The following TRABD2B variants were observed in gnomAD, a reference collection of about 807,000 sequenced individuals.
The protein encoded by TRABD2B is TraB domain containing 2B.
TRABD2B carries 14 observed loss-of-function variants against 40.1 expected under a neutral mutation model. The ratio of observed to expected loss-of-function variants is 0.35; its 90% CI spans 0.23 to 0.55. TRABD2B has a LOEUF of 0.55. Among genes scored for constraint, TRABD2B ranks in the 20% least tolerant of loss-of-function variants. The pLI is 0.90. For missense variants in TRABD2B, 541 were observed against 648.6 expected, an observed-to-expected ratio of 0.83 and a Z score of 1.80; for synonymous variants, 263 against 277.0, an observed-to-expected ratio of 0.95 and a Z score of 0.50.
intron 2 of TRABD2B, among the ~76,000 whole-genome samples, chr1:47,986,165 T>C (rs1432383533): frequency 2.0e-5 from 3 of 152,012 alleles, no homozygotes; most frequent in African/African-American, 7.3e-5. Context: ...CAAGTAACAG[T>C]TGAAAAGGAA....
intron 2 of TRABD2B, among the ~76,000 whole-genome samples, chr1:47,895,871 C>G (rs948052557): frequency 3.9e-5 from 6 of 152,240 alleles, no homozygotes; most frequent in Non-Finnish European, 7.3e-5. Context: ...CCTGCCTCCT[C>G]GTACTAGTGT....
chr1:47,955,751 G>A (rs1645411040), intron 2 of TRABD2B, among the ~76,000 whole-genome samples: 2 of 152,072 alleles, frequency 1.3e-5, no homozygotes, highest in Admixed American at 1.3e-4. Context: ...ATGTCTCCAG[G>A]ACCCCCTCCC....
intron 2 of TRABD2B, among the ~76,000 whole-genome samples, chr1:47,987,183 G>A (rs1645931420): frequency 6.6e-6 from 1 of 152,090 alleles, no homozygotes; most frequent in Non-Finnish European, 1.5e-5. Context: ...GCTTGGCCTG[G>A]GATTGGAGAG....
chr1:47,970,907 G>GC (rs1645673315), intron 2 of TRABD2B, among the ~76,000 whole-genome samples: 1 of 152,200 alleles, frequency 6.6e-6, no homozygotes, highest in South Asian at 2.1e-4. Context: ...ACTGGCCAAA[G>GC]CAAGTGACAA....
intron 6 of TRABD2B, among the ~76,000 whole-genome samples, chr1:47,771,111 G>A (rs905452547): frequency 2.0e-5 from 3 of 152,158 alleles, no homozygotes; most frequent in African/African-American, 7.2e-5. Flanking sequence ...CTAATCTGAT[G>A]GGGTCCTGTC....
At chr1:47,955,788 G>A (rs1158040516) in intron 2 of TRABD2B, among the ~76,000 whole-genome samples, 1 of 152,146 alleles carries the variant, frequency 6.6e-6, no homozygotes, top group Non-Finnish European at 1.5e-5. Flanking sequence ...ACTGCTGACT[G>A]TGCTCATGTG....
At chr1:47,965,236 T>TGGG (rs1645585082) in intron 2 of TRABD2B, among the ~76,000 whole-genome samples, 6 of 3,258 alleles carry the variant, frequency 1.8e-3, no homozygotes, top group South Asian at 0.015. Flanking sequence ...GGGGGGTGGA[T>TGGG]GGGGAGGTGG....
intron 2 of TRABD2B, chr1:47,819,853 CGCAGACCAGAGACACTGGG>C (rs528034643): frequency 6.6e-6 from 1 of 152,172 alleles, no homozygotes; most frequent in South Asian, 2.1e-4. Flanking sequence ...CAATATAGGA[CGCAGACCAGAGACACTGGG>C]GTAAATTCTC....
At chr1:47,794,477 T>C (rs1644717924) in intron 4 of TRABD2B, 109 bp downstream of exon 4, 2 of 1,273,054 alleles carry the variant, frequency 1.6e-6, no homozygotes, top group South Asian at 3.3e-5. Flanking sequence ...TGGCTTTTCC[T>C]GCCCCATCCT....
intron 2 of TRABD2B, among the ~76,000 whole-genome samples, chr1:47,879,289 A>C (rs1419279921): frequency 6.6e-6 from 1 of 152,224 alleles, no homozygotes; most frequent in African/African-American, 2.4e-5. Flanking sequence ...CCACATATGC[A>C]ACAGTGATTC....
chr1:47,878,406 A>G (rs1644254756), intron 2 of TRABD2B, among the ~76,000 whole-genome samples: 1 of 152,246 alleles, frequency 6.6e-6, no homozygotes, highest in Non-Finnish European at 1.5e-5. Context: ...AGAAGGGATT[A>G]CACTGTGGTG....
chr1:47,839,308 G>T (rs1479603838), intron 2 of TRABD2B, among the ~76,000 whole-genome samples: 1 of 152,048 alleles, frequency 6.6e-6, no homozygotes, highest in African/African-American at 2.4e-5. Context: ...ATGGCCTTTA[G>T]CTCTGTGCAC....
At chr1:47,976,237 A>C (rs1041015536) in intron 2 of TRABD2B, among the ~76,000 whole-genome samples, 2 of 152,178 alleles carry the variant, frequency 1.3e-5, no homozygotes, top group Non-Finnish European at 2.9e-5. Context: ...TAATCAGTGA[A>C]TTATAATCTA....
At chr1:47,902,494 G>A (rs1450255611) in intron 2 of TRABD2B, among the ~76,000 whole-genome samples, 1 of 152,130 alleles carries the variant, frequency 6.6e-6, no homozygotes, top group African/African-American at 2.4e-5. Context: ...GACTTCCTGT[G>A]GATGGAAATT....
At chr1:47,776,635 G>C (rs2124068171) in intron 5 of TRABD2B, among the ~76,000 whole-genome samples, 1 of 152,278 alleles carries the variant, frequency 6.6e-6, no homozygotes, top group Non-Finnish European at 1.5e-5. Flanking sequence ...AATAGAATTT[G>C]TTTTAGGGAC....
chr1:47,971,014 G>A (rs1557687573), intron 2 of TRABD2B, among the ~76,000 whole-genome samples: 1 of 152,204 alleles, frequency 6.6e-6, no homozygotes, highest in Non-Finnish European at 1.5e-5. Context: ...GAGGCTGGGG[G>A]AAGGAAGAGG....
Position 47,908,667 on chromosome 1 carries a change from C to T in TRABD2B, c.666+85367G>A, listed in dbSNP as rs184815424. On this transcript the variant is annotated intron_variant, in intron 2 of 6. Coordinates refer to ENST00000606738, the MANE Select transcript of TRABD2B (RefSeq NM_001194986.2). ...GTCTGCAGCTCTTTCTCCTCCAAGC[C>T]TCTCTGGCCTTTTCTTCAACCCTCA... Among the ~76,000 whole-genome samples the T allele has an allele frequency of 8.7e-4, 133 of 152,328 alleles. 2 individuals carry two copies. Among genetic ancestry groups the T allele is most frequent in the African/African-American group, 2.4e-3 (100 of 41,574 alleles).
chr1:47,956,866 C>T (rs1283134657), intron 2 of TRABD2B, among the ~76,000 whole-genome samples: 1 of 152,174 alleles, frequency 6.6e-6, no homozygotes, highest in Non-Finnish European at 1.5e-5. Context: ...AGTGGTTCTC[C>T]CAGCATGGAG....
intron 2 of TRABD2B, among the ~76,000 whole-genome samples, chr1:47,876,801 G>C (rs551771715): frequency 6.6e-6 from 1 of 152,130 alleles, no homozygotes; most frequent in Non-Finnish European, 1.5e-5. Context: ...CTTTATATAC[G>C]CACATACTAA....
Sources: gnomAD v4.1 joint callset for allele counts (sites outside exome capture counted in the v4.1 genomes callset) on GRCh38, gnomAD v4.1.1 for gene constraint, MANE v1.5 for transcripts, NCBI Gene and HGNC (gene_info 2026-07-23, HGNC 2026-07-21) for gene names.